The following DPP10 variants were observed in gnomAD, a reference collection of about 807,000 sequenced individuals.
DPP10 encodes the protein dipeptidyl peptidase like 10.
DPP10 carries 33 observed loss-of-function variants against 120.9 expected under a neutral mutation model. The ratio of observed to expected loss-of-function variants is 0.27; its 90% CI spans 0.21 to 0.37. The LOEUF (loss-of-function observed/expected upper bound fraction) is 0.37, where lower values mean the gene tolerates loss of function less well. Among genes scored for constraint, DPP10 ranks in the 10% least tolerant of loss-of-function variants. DPP10 has a pLI of 1.00. For missense variants in DPP10, 816 were observed against 942.8 expected (o/e 0.87, Z 1.76); for synonymous variants, 337 against 326.1 (o/e 1.03, Z -0.36).
intron 3 of DPP10, among the ~76,000 whole-genome samples, chr2:115,360,057 G>T (rs890409564): frequency 1.3e-5 from 2 of 151,960 alleles, no homozygotes; most frequent in Non-Finnish European, 2.9e-5. Context: ...CTCTTGAATC[G>T]CATTGAGCTT....
intron 2 of DPP10, among the ~76,000 whole-genome samples, chr2:115,322,631 A>G (rs1030377270): frequency 6.6e-6 from 1 of 152,168 alleles, no homozygotes; most frequent in Non-Finnish European, 1.5e-5. Flanking sequence ...ACTTTATTAT[A>G]TGATTCATAA....
chr2:114,731,159 G>A (rs1676874867), intron 1 of DPP10, among the ~76,000 whole-genome samples: 1 of 151,344 alleles, frequency 6.6e-6, no homozygotes. Context: ...CTCCTGGACG[G>A]TATGTACTCA....
At chr2:115,065,794 C>T (rs147841531) in intron 1 of DPP10, among the ~76,000 whole-genome samples, 93 of 152,176 alleles carry the variant, frequency 6.1e-4, no homozygotes, top group Non-Finnish European at 9.7e-4. Context: ...GATACAATCT[C>T]CAGTGCACTA....
At chr2:115,633,826 C>T (rs560928388) in intron 5 of DPP10, among the ~76,000 whole-genome samples, 2 of 152,180 alleles carry the variant, frequency 1.3e-5, no homozygotes, top group African/African-American at 4.8e-5. Flanking sequence ...TGAATGTTCA[C>T]CTGTCTTGGT....
chr2:114,767,916 T>G (rs1680881521), intron 1 of DPP10, among the ~76,000 whole-genome samples: 1 of 151,336 alleles, frequency 6.6e-6, no homozygotes, highest in Non-Finnish European at 1.5e-5. Flanking sequence ...AGGTCAGGAG[T>G]TTGAAACCAG....
intron 1 of DPP10, among the ~76,000 whole-genome samples, chr2:115,007,757 A>T (rs923137670): frequency 6.6e-6 from 1 of 150,782 alleles, no homozygotes; most frequent in African/African-American, 2.4e-5. Context: ...ATGTGCAAAA[A>T]TCACAAGCAT....
At chr2:115,334,749 C>T (rs991185428) in intron 2 of DPP10, among the ~76,000 whole-genome samples, 2 of 151,730 alleles carry the variant, frequency 1.3e-5, no homozygotes, top group Non-Finnish European at 2.9e-5. Context: ...TGTGAAGGTG[C>T]TTTATAGGGC....
intron 1 of DPP10, among the ~76,000 whole-genome samples, chr2:114,667,102 A>T (rs1038127524): frequency 6.6e-6 from 1 of 152,152 alleles, no homozygotes; most frequent in African/African-American, 2.4e-5. Flanking sequence ...GGCTGTGTTC[A>T]TGGGCTCCAA....
At chr2:115,712,239 G>C (rs1363742946) in intron 7 of DPP10, among the ~76,000 whole-genome samples, 3 of 150,472 alleles carry the variant, frequency 2.0e-5, no homozygotes, top group Non-Finnish European at 4.4e-5. Context: ...ATTTCATAAG[G>C]AGCATGCCAC....
intron 5 of DPP10, among the ~76,000 whole-genome samples, chr2:115,534,574 T>G (rs990353070): frequency 9.2e-5 from 14 of 152,132 alleles, no homozygotes; most frequent in Admixed American, 2.6e-4. Flanking sequence ...TAAACATACG[T>G]GTGCATGTGT....
At chr2:115,456,999 G>T (rs940405107) in intron 3 of DPP10, among the ~76,000 whole-genome samples, 2 of 151,816 alleles carry the variant, frequency 1.3e-5, no homozygotes, top group Admixed American at 6.6e-5. Flanking sequence ...TGGAGGAATT[G>T]CCATACCCGA....
chr2:115,125,038 T>C (rs907377844), intron 1 of DPP10, among the ~76,000 whole-genome samples: 2 of 152,202 alleles, frequency 1.3e-5, no homozygotes, highest in African/African-American at 4.8e-5. Context: ...CTTCCTCCAG[T>C]CATAAGTTCT....
intron 1 of DPP10, among the ~76,000 whole-genome samples, chr2:114,603,523 C>A: frequency 6.6e-6 from 1 of 152,012 alleles, no homozygotes; most frequent in Non-Finnish European, 1.5e-5. Context: ...CATAGGAGGG[C>A]ATTTGCAAAT....
intron 1 of DPP10, among the ~76,000 whole-genome samples, chr2:114,591,820 T>C (rs539034356): frequency 6.6e-6 from 1 of 152,174 alleles, no homozygotes; most frequent in South Asian, 2.1e-4. Context: ...CCCAAAGTGC[T>C]ACAGGGGTGA....
intron 9 of DPP10, among the ~76,000 whole-genome samples, chr2:115,742,837 T>C (rs533705760): frequency 1.4e-4 from 21 of 152,210 alleles, no homozygotes; most frequent in African/African-American, 4.8e-4. Context: ...AAAATGAGTA[T>C]AGCAAATACC....
At chr2:115,089,723 C>T (rs878978455) in intron 1 of DPP10, among the ~76,000 whole-genome samples, 4 of 152,178 alleles carry the variant, frequency 2.6e-5, no homozygotes, top group Admixed American at 2.0e-4. Context: ...CCCGATTTTA[C>T]TTTCCATATT....
intron 1 of DPP10, among the ~76,000 whole-genome samples, chr2:114,807,297 T>TG (rs1325576161): frequency 6.6e-6 from 1 of 152,138 alleles, no homozygotes; most frequent in Non-Finnish European, 1.5e-5. Context: ...TGTATGTATT[T>TG]GGGGGGTACG....
intron 1 of DPP10, among the ~76,000 whole-genome samples, chr2:115,081,941 G>A (rs1414981907): frequency 6.6e-6 from 1 of 152,170 alleles, no homozygotes; most frequent in African/African-American, 2.4e-5. Context: ...GAAGGCCTCT[G>A]CTAGGAAATC....
rs1345791307 is a variant in DPP10 at position 115,488,748 on chromosome 2, G to T, written c.272-10762G>T. On this transcript the variant is annotated intron_variant, in intron 3 of 25. Transcript: ENST00000410059. ...ACTGTGGTGGGGTCGGGGGAGGGGG[G>T]AGGGATAGCATTGGGAGATATACCT... Among the ~76,000 whole-genome samples the T allele has an allele frequency of 2.5e-4, 31 of 124,188 alleles. No homozygotes were observed. In the East Asian group the frequency reaches 7.2e-3, roughly 29 times the overall value. 81.5% of individuals were successfully genotyped at this position (124,188 alleles called of 152,430 possible).
Sources: gnomAD v4.1 joint callset for allele counts (sites outside exome capture counted in the v4.1 genomes callset) on GRCh38, gnomAD v4.1.1 for gene constraint, MANE v1.5 for transcripts, NCBI Gene and HGNC (gene_info 2026-07-23, HGNC 2026-07-21) for gene names.